PLOD1: variants seen among roughly 807,000 people sequenced by gnomAD.
PLOD1 encodes procollagen-lysine,2-oxoglutarate 5-dioxygenase 1, also known as lysine hydroxylase.
A neutral mutation model predicts 94.7 loss-of-function variants in PLOD1; 70 were observed. The observed-to-expected ratio is 0.74, with a 90% CI of 0.61 to 0.90. PLOD1 has a LOEUF of 0.90. Ranked by LOEUF, PLOD1 falls within the 40% of genes least tolerant of loss-of-function variation. The pLI, the probability that PLOD1 is intolerant of heterozygous loss-of-function variation, is 0.00. For missense variants in PLOD1, 905 were observed against 972.7 expected, an observed-to-expected ratio of 0.93 and a Z score of 0.93; for synonymous variants, 417 against 400.2, an observed-to-expected ratio of 1.04 and a Z score of -0.50.
At chr1:11,967,614 T>A (rs965163731) in intron 16 of PLOD1, among the ~76,000 whole-genome samples, 5 of 117,930 alleles carry the variant, frequency 4.2e-5, no homozygotes, top group Non-Finnish European at 8.8e-5. Context: ...TATATATATA[T>A]AAAAAGAAAT....
intron 15 of PLOD1, among the ~76,000 whole-genome samples, chr1:11,966,582 G>A (rs934369979): frequency 1.4e-4 from 21 of 151,964 alleles, no homozygotes; most frequent in African/African-American, 5.1e-4. Context: ...GCTGGAGGCT[G>A]TGGGAGTCTG....
chr1:11,960,811 G>A, intron 10 of PLOD1, 44 bp downstream of exon 10: 1 of 1,609,486 alleles, frequency 6.2e-7, no homozygotes, highest in South Asian at 1.1e-5. Context: ...GTGGGGGCAG[G>A]GGAGCTGTGG....
chr1:11,940,755 AC>A (rs968061051), intron 1 of PLOD1, among the ~76,000 whole-genome samples: 1 of 152,198 alleles, frequency 6.6e-6, no homozygotes, highest in Non-Finnish European at 1.5e-5. Context: ...GCTGGACCAG[AC>A]AGAAAGCAGA....
chr1:11,935,041 G>T (rs1645568927), intron 1 of PLOD1, among the ~76,000 whole-genome samples, 186 bp downstream of exon 1: 1 of 152,214 alleles, frequency 6.6e-6, no homozygotes, highest in African/African-American at 2.4e-5. Context: ...TGCGGTTCCT[G>T]CTTCGGGAAG....
At position 11,975,284 on chromosome 1, in the gene PLOD1, G is replaced by T. The variant is rs1257379352; in HGVS notation, c.*476G>T. 2 of 257,594 alleles carry T rather than the reference G, an allele frequency of 7.8e-6. No homozygotes were observed. The highest frequency in any genetic ancestry group is 9.9e-5 in the Admixed American group (2 of 20,232). The allele number at this position is 257,594 out of a possible 1,614,324, so 16.0% of individuals were successfully genotyped here. A position where few individuals can be genotyped will look rare whatever the true frequency, so the allele number is the denominator to read the frequency against. On this transcript the variant is annotated 3_prime_UTR_variant, in exon 19 of 19. Transcript: ENST00000196061. ...AAGACACCTGGATCAGACTCCAAGGGCTGCCCTGAGTCTGGGACTTCTGCC... is the reference window on the plus strand; with the variant it reads ...AAGACACCTGGATCAGACTCCAAGGTCTGCCCTGAGTCTGGGACTTCTGCC...
intron 18 of PLOD1, among the ~76,000 whole-genome samples, chr1:11,973,882 A>G (rs1325061031): frequency 6.6e-6 from 1 of 152,126 alleles, no homozygotes; most frequent in Non-Finnish European, 1.5e-5. Context: ...TGTGGCCTGC[A>G]AGGGACATTG....
chr1:11,969,144 C>T (rs1257577006), intron 16 of PLOD1, among the ~76,000 whole-genome samples: 7 of 150,750 alleles, frequency 4.6e-5, no homozygotes, highest in Admixed American at 6.6e-5. Flanking sequence ...CCCACCACTA[C>T]GCCTGGCTAA....
intron 10 of PLOD1, among the ~76,000 whole-genome samples, chr1:11,961,973 G>C (rs189442132): frequency 6.6e-6 from 1 of 152,148 alleles, no homozygotes; most frequent in Non-Finnish European, 1.5e-5. Flanking sequence ...ATTTTTAGTA[G>C]AGACGAGGTT....
At chr1:11,960,533 G>T (rs1645770468) in intron 9 of PLOD1, 113 bp from the exon 10 acceptor site, 1 of 804,752 alleles carries the variant, frequency 1.2e-6, no homozygotes, top group Non-Finnish European at 2.2e-6. Flanking sequence ...GATGGCCGGG[G>T]TGCCAGAGAT....
chr1:11,945,641 C>G (rs932926355), intron 1 of PLOD1, among the ~76,000 whole-genome samples: 1 of 152,110 alleles, frequency 6.6e-6, no homozygotes, highest in Non-Finnish European at 1.5e-5. Context: ...CAGAGAGGGC[C>G]TTGAATGCCA....
intron 6 of PLOD1, among the ~76,000 whole-genome samples, chr1:11,955,439 C>G (rs557297768): frequency 2.1e-4 from 28 of 132,022 alleles, no homozygotes; most frequent in African/African-American, 7.6e-4. Flanking sequence ...CTTATCTTTA[C>G]AAAAGGGAAG....
chr1:11,967,662 T>A (rs1330875121), intron 16 of PLOD1, among the ~76,000 whole-genome samples: 1 of 131,030 alleles, frequency 7.6e-6, no homozygotes, highest in Non-Finnish European at 1.6e-5. Flanking sequence ...ATATATATTT[T>A]TTTTAAATAA....
At chr1:11,940,295 T>C (rs1384182848) in intron 1 of PLOD1, among the ~76,000 whole-genome samples, 1 of 152,152 alleles carries the variant, frequency 6.6e-6, no homozygotes, top group East Asian at 1.9e-4. Context: ...AGTGTTGACA[T>C]TACAGGTGTG....
At position 11,962,274 on chromosome 1, in the gene PLOD1, C is replaced by CTT. The variant is rs780613164; in HGVS notation, c.1098-1239_1098-1238dup. Among the ~76,000 whole-genome samples the CTT allele has an allele frequency of 7.5e-3, 741 of 98,998 alleles. 4 individuals carry two copies. Among genetic ancestry groups the CTT allele is most frequent in the East Asian group, 9.1e-3 (30 of 3,286 alleles). 64.9% of individuals were successfully genotyped at this position (98,998 alleles called of 152,430 possible). A position where few individuals can be genotyped will look rare whatever the true frequency, so the allele number is the denominator to read the frequency against. Reference sequence around the variant, plus strand: ...TACATCTTCTTTTGATTTTTGTTTTCTTTTTTTTTTTTTTTTTTTTGAGAT... The same window carrying CTT: ...TACATCTTCTTTTGATTTTTGTTTTCTTTTTTTTTTTTTTTTTTTTTTGAGAT... On this transcript the variant is annotated intron_variant, in intron 10 of 18. Transcript: ENST00000196061.
chr1:11,945,661 A>G (rs1010127087), intron 1 of PLOD1, among the ~76,000 whole-genome samples: 1 of 152,116 alleles, frequency 6.6e-6, no homozygotes, highest in Non-Finnish European at 1.5e-5. Flanking sequence ...AGGCCAAGGC[A>G]TTTGCTTCTC....
At chr1:11,960,445 G>A (rs543853944) in intron 9 of PLOD1, among the ~76,000 whole-genome samples, 29 of 152,334 alleles carry the variant, frequency 1.9e-4, no homozygotes, top group African/African-American at 6.5e-4. Flanking sequence ...GGTCAGAGGA[G>A]AATGGGCAAA....
chr1:11,956,754 T>C (rs1645740691), intron 6 of PLOD1, among the ~76,000 whole-genome samples, 163 bp from the exon 7 acceptor site: 1 of 152,068 alleles, frequency 6.6e-6, no homozygotes, highest in South Asian at 2.1e-4. Context: ...GAAGAAGGGA[T>C]TATTCCTATT....
intron 1 of PLOD1, among the ~76,000 whole-genome samples, chr1:11,941,031 C>G (rs1482865013): frequency 6.6e-6 from 1 of 152,162 alleles, no homozygotes; most frequent in Non-Finnish European, 1.5e-5. Flanking sequence ...TCCCATTTCA[C>G]CTAAAGGTTC....
chr1:11,963,434 G>A lies in PLOD1; in HGVS notation c.1098-98G>A. 1 of 792,654 alleles carries A rather than the reference G, an allele frequency of 1.3e-6. No homozygotes were observed. The highest frequency in any genetic ancestry group is 1.5e-5 in the South Asian group (1 of 68,908). The allele number at this position is 792,654 out of a possible 1,614,324, so 49.1% of individuals were successfully genotyped here. On this transcript the variant is annotated intron_variant, in intron 10 of 18. Coordinates refer to ENST00000196061, the MANE Select transcript of PLOD1 (RefSeq NM_000302.4). The surrounding 1 kb of genome is among the most constrained non-coding windows in gnomAD (Gnocchi z 4.3). Reference sequence around the variant, plus strand: ...TGGTGTGACCTCTCTAAAGCCCCTTGGCTGATATGTGGTGAAGCCAGACTG... The same window carrying A: ...TGGTGTGACCTCTCTAAAGCCCCTTAGCTGATATGTGGTGAAGCCAGACTG...
Sources: allele counts gnomAD v4.1 joint callset (sites outside exome capture counted in the v4.1 genomes callset), GRCh38; gene constraint gnomAD v4.1.1; non-coding constraint Gnocchi (gnomAD v3.1); transcripts MANE v1.5; gene names NCBI Gene and HGNC (gene_info 2026-07-23, HGNC 2026-07-21).